The following TUSC3 variants were observed in gnomAD, a reference collection of about 807,000 sequenced individuals.
The protein encoded by TUSC3 is tumor suppressor candidate 3.
A neutral mutation model predicts 44.8 loss-of-function variants in TUSC3; 45 were observed. The ratio of observed to expected loss-of-function variants is 1.00; its 90% CI spans 0.79 to 1.29. The LOEUF (loss-of-function observed/expected upper bound fraction) is 1.29. Ranked by LOEUF, TUSC3 falls within the 50% of genes most tolerant of loss-of-function variation. The pLI, the probability that TUSC3 is intolerant of heterozygous loss-of-function variation, is 0.00. For missense variants in TUSC3, 519 were observed against 437.9 expected, an observed-to-expected ratio of 1.19 and a Z score of -1.65; for synonymous variants, 212 against 152.9, an observed-to-expected ratio of 1.39 and a Z score of -2.85.
intron 1 of TUSC3, among the ~76,000 whole-genome samples, chr8:15,437,256 T>C (rs1291068281): frequency 6.6e-6 from 1 of 152,168 alleles, no homozygotes; most frequent in Non-Finnish European, 1.5e-5. Flanking sequence ...TTTCCAGCAA[T>C]TCACATGTAC....
chr8:15,825,522 T>G, the TUSC3 span, among the ~76,000 whole-genome samples: 1 of 152,198 alleles, frequency 6.6e-6, no homozygotes, highest in Non-Finnish European at 1.5e-5. Context: ...GAAGGAATTA[T>G]GGGAGCTACA....
At chr8:15,702,070 A>G (rs1031368276) in intron 6 of TUSC3, among the ~76,000 whole-genome samples, 32 of 152,276 alleles carry the variant, frequency 2.1e-4, no homozygotes, top group African/African-American at 7.0e-4. Context: ...AGAATGGAAG[A>G]GCCATTATGT....
At chr8:15,525,294 G>A (rs1213990851) in intron 2 of TUSC3, among the ~76,000 whole-genome samples, 1 of 152,004 alleles carries the variant, frequency 6.6e-6, no homozygotes, top group Non-Finnish European at 1.5e-5. Flanking sequence ...CCATCTTTCT[G>A]GTTTGCTGGC....
chr8:15,763,542 G>T (rs539204069), intron 10 of TUSC3, among the ~76,000 whole-genome samples: 1 of 151,936 alleles, frequency 6.6e-6, no homozygotes, highest in Non-Finnish European at 1.5e-5. Flanking sequence ...CCACGTGTTA[G>T]CAGAAAGGTA....
intron 9 of TUSC3, among the ~76,000 whole-genome samples, chr8:15,752,337 A>G (rs1811742294): frequency 6.8e-6 from 1 of 146,014 alleles, no homozygotes; most frequent in East Asian, 2.5e-4. Context: ...ATGGTGTGAC[A>G]GCCTTAATAT....
At chr8:15,727,427 A>G (rs2129206816) in intron 6 of TUSC3, among the ~76,000 whole-genome samples, 1 of 152,262 alleles carries the variant, frequency 6.6e-6, no homozygotes, top group South Asian at 2.1e-4. Flanking sequence ...CTGCTTGAGA[A>G]TATAGGTATT....
downstream of TUSC3, among the ~76,000 whole-genome samples, chr8:15,771,574 CTAAAT>C (rs1382120849): frequency 3.3e-5 from 5 of 151,992 alleles, no homozygotes; most frequent in Non-Finnish European, 7.4e-5. Flanking sequence ...TTGTGAACCT[CTAAAT>C]TAAAAACTCT....
At chr8:15,845,178 A>G in the TUSC3 span, among the ~76,000 whole-genome samples, 2 of 152,178 alleles carry the variant, frequency 1.3e-5, no homozygotes, top group Non-Finnish European at 2.9e-5. Context: ...AGTCCCTCGG[A>G]TAAAGCGTTG....
intron 2 of TUSC3, among the ~76,000 whole-genome samples, chr8:15,491,333 G>A (rs780725841): frequency 6.6e-6 from 1 of 152,118 alleles, no homozygotes; most frequent in Non-Finnish European, 1.5e-5. Context: ...TGAGTAATAC[G>A]TGAGGGAGGT....
chr8:15,550,621 T>C (rs1317608840), intron 1 of TUSC3, among the ~76,000 whole-genome samples: 1 of 151,618 alleles, frequency 6.6e-6, no homozygotes, highest in Non-Finnish European at 1.5e-5. Context: ...TTCATTACTA[T>C]CATGATTCTT....
chr8:15,736,881 G>T (rs919394598), intron 7 of TUSC3, among the ~76,000 whole-genome samples: 7 of 152,104 alleles, frequency 4.6e-5, no homozygotes, highest in Non-Finnish European at 8.8e-5. Context: ...TATAGAACAC[G>T]TGAGTTCTAG....
chr8:15,564,747 C>T (rs914890979), intron 1 of TUSC3, among the ~76,000 whole-genome samples: 2 of 152,084 alleles, frequency 1.3e-5, no homozygotes, highest in Non-Finnish European at 2.9e-5. Flanking sequence ...CAGAGGTGAT[C>T]TGTGTCGTCT....
the TUSC3 span, among the ~76,000 whole-genome samples, chr8:15,832,244 G>T: frequency 2.6e-5 from 4 of 152,128 alleles, no homozygotes; most frequent in African/African-American, 9.7e-5. Flanking sequence ...AGCAAATACT[G>T]AGGGAATTCA....
At chr8:15,499,861 C>A (rs1373471679) in intron 2 of TUSC3, among the ~76,000 whole-genome samples, 1 of 152,074 alleles carries the variant, frequency 6.6e-6, no homozygotes, top group African/African-American at 2.4e-5. Context: ...TGAGCCAAAT[C>A]CTCATTTTAC....
At chr8:15,780,726 G>C in the TUSC3 span, among the ~76,000 whole-genome samples, 1 of 152,190 alleles carries the variant, frequency 6.6e-6, no homozygotes, top group South Asian at 2.1e-4. Flanking sequence ...CAGGTCTACT[G>C]TTTCCTCCTG....
At chr8:15,698,084 T>C (rs368727356) in intron 6 of TUSC3, among the ~76,000 whole-genome samples, 7 of 152,326 alleles carry the variant, frequency 4.6e-5, no homozygotes, top group African/African-American at 1.7e-4. Flanking sequence ...CTATAACTTA[T>C]ACTCTTTTAT....
At chr8:15,590,193 A>G (rs1284897750) in intron 1 of TUSC3, among the ~76,000 whole-genome samples, 2 of 152,240 alleles carry the variant, frequency 1.3e-5, no homozygotes, top group Admixed American at 6.5e-5. Context: ...AATGCTTTAC[A>G]CAGGAGTTTC....
intron 1 of TUSC3, among the ~76,000 whole-genome samples, chr8:15,466,155 A>C (rs1284006273): frequency 6.6e-6 from 1 of 152,140 alleles, no homozygotes; most frequent in African/African-American, 2.4e-5. Context: ...ATTATTTTGA[A>C]ACATGTATGT....
intron 6 of TUSC3, among the ~76,000 whole-genome samples, chr8:15,711,500 AAT>A (rs1563184935): frequency 4.9e-5 from 7 of 142,662 alleles, no homozygotes; most frequent in Non-Finnish European, 9.3e-5. Flanking sequence ...GTGTGTATTT[AAT>A]ATGTGTGTAT....
Sources: gnomAD v4.1 joint callset for allele counts (sites outside exome capture counted in the v4.1 genomes callset) on GRCh38, gnomAD v4.1.1 for gene constraint, MANE v1.5 for transcripts, NCBI Gene and HGNC (gene_info 2026-07-23, HGNC 2026-07-21) for gene names.